MYO10: variants seen among roughly 807,000 people sequenced by gnomAD.
MYO10 encodes unconventional myosin-X.
In MYO10, 133 loss-of-function variants were observed where a neutral mutation model predicts 257.3. That is an observed-to-expected ratio of 0.52 (90% CI 0.45 to 0.60). The LOEUF is 0.60. MYO10 is among the 20% of genes least tolerant of loss of function. The pLI, the probability that MYO10 is intolerant of heterozygous loss-of-function variation, is 0.00. For missense variants in MYO10, 2,399 were observed against 2,635.7 expected (o/e 0.91, Z 1.97); for synonymous variants, 1,104 against 1,028.6 (o/e 1.07, Z -1.40).
At chr5:16,766,029 A>G in intron 11 of MYO10, 51 bp downstream of exon 11, 2 of 1,350,484 alleles carry the variant, frequency 1.5e-6, no homozygotes, top group South Asian at 2.4e-5. Context: ...TATGGATCTG[A>G]AAACCCAGGA....
chr5:16,671,413 T>G lies in MYO10; in HGVS notation c.5430+9A>C. On this transcript the variant is annotated intron_variant, in intron 38 of 40. Coordinates refer to ENST00000513610, the MANE Select transcript of MYO10 (RefSeq NM_012334.3). ...GGCAAAGAAATCTGTTTCTAACTAT[T>G]CCTTTTACCTGTTCAAACATAAATG... 6.2e-7 allele frequency: 1 copy of G among 1,613,742 alleles called. No individual in the cohort carries two copies. Among genetic ancestry groups the G allele is most frequent in the Non-Finnish European group, 8.5e-7 (1 of 1,179,788 alleles).
intron 33 of MYO10, among the ~76,000 whole-genome samples, chr5:16,679,533 T>TTTTTTTTTTTTTTTTTTTTG (rs1736889465): frequency 6.7e-6 from 1 of 150,326 alleles, no homozygotes; most frequent in African/African-American, 2.5e-5. Flanking sequence ...TGTTTTTTTT[T>TTTTTTTTTTTTTTTTTTTTG]TTTTTTTTTG....
At chr5:16,829,056 A>C (rs1228545916) in intron 2 of MYO10, among the ~76,000 whole-genome samples, 2 of 152,218 alleles carry the variant, frequency 1.3e-5, no homozygotes, top group Non-Finnish European at 2.9e-5. Flanking sequence ...GTTCTGAAAA[A>C]TAGGCAATCC....
At chr5:16,845,172 T>C (rs909529806) in intron 2 of MYO10, among the ~76,000 whole-genome samples, 1 of 152,066 alleles carries the variant, frequency 6.6e-6, no homozygotes, top group African/African-American at 2.4e-5. Flanking sequence ...CAGGTGGCAG[T>C]ACATTTTTTC....
At chr5:16,834,968 G>A (rs1743267863) in intron 2 of MYO10, among the ~76,000 whole-genome samples, 1 of 151,988 alleles carries the variant, frequency 6.6e-6, no homozygotes, top group African/African-American at 2.4e-5. Flanking sequence ...GAGGTCAGGA[G>A]TTAAAGACTA....
intron 2 of MYO10, among the ~76,000 whole-genome samples, chr5:16,823,104 G>C (rs1742878326): frequency 6.6e-6 from 1 of 151,836 alleles, no homozygotes; most frequent in South Asian, 2.1e-4. Flanking sequence ...CAGGGTATTA[G>C]TCGTGCAAGG....
At chr5:16,861,055 AG>A (rs1375992125) in intron 2 of MYO10, among the ~76,000 whole-genome samples, 1 of 152,106 alleles carries the variant, frequency 6.6e-6, no homozygotes, top group East Asian at 1.9e-4. Flanking sequence ...CCATGGCCTG[AG>A]TCTCACCTGA....
intron 19 of MYO10, among the ~76,000 whole-genome samples, chr5:16,715,392 ATTTTTTTTTT>A (rs372307063): frequency 1.2e-5 from 1 of 84,340 alleles, no homozygotes; most frequent in African/African-American, 4.7e-5. Context: ...TAAGATTGAA[ATTTTTTTTTT>A]TTTTTTTTTT....
intron 9 of MYO10, among the ~76,000 whole-genome samples, chr5:16,778,302 G>A (rs534057766): frequency 6.6e-4 from 101 of 152,134 alleles, no homozygotes; most frequent in African/African-American, 2.4e-3. Context: ...CCTTGCAAGA[G>A]ACCATGGCAT....
chr5:16,835,542 A>C (rs1181874209), intron 2 of MYO10, among the ~76,000 whole-genome samples: 1 of 141,668 alleles, frequency 7.1e-6, no homozygotes, highest in Admixed American at 7.3e-5. Flanking sequence ...AGACAGCAAG[A>C]TGTCAGCTTG....
At chr5:16,805,630 C>A (rs1227982630) in intron 3 of MYO10, among the ~76,000 whole-genome samples, 1 of 152,206 alleles carries the variant, frequency 6.6e-6, no homozygotes, top group African/African-American at 2.4e-5. Flanking sequence ...ATGCAGCTCC[C>A]AAACACGAGG....
intron 3 of MYO10, chr5:16,814,851 C>A (rs556564449): frequency 1.3e-5 from 2 of 152,248 alleles, no homozygotes; most frequent in African/African-American, 4.8e-5. Flanking sequence ...TGACCTTATT[C>A]CAAGACCAAG....
At chr5:16,695,643 T>C (rs1270473822) in intron 26 of MYO10, among the ~76,000 whole-genome samples, 1 of 151,914 alleles carries the variant, frequency 6.6e-6, no homozygotes, top group Admixed American at 6.6e-5. Flanking sequence ...AGGATAATTT[T>C]GTATTCCAGA....
chr5:16,796,208 GAA>G (rs1741943240), intron 3 of MYO10, among the ~76,000 whole-genome samples: 2 of 74,042 alleles, frequency 2.7e-5, no homozygotes, highest in Admixed American at 1.6e-4. Flanking sequence ...AAAAAAGAAA[GAA>G]CAGAGAGAGA....
chr5:16,896,728 G>GC (rs1041342206), intron 1 of MYO10, among the ~76,000 whole-genome samples: 4 of 152,192 alleles, frequency 2.6e-5, no homozygotes, highest in African/African-American at 7.2e-5. Context: ...GATCTTAGCA[G>GC]CCCCCCCAGG....
chr5:16,934,398 G>C (rs1474369978), intron 1 of MYO10, among the ~76,000 whole-genome samples: 1 of 152,250 alleles, frequency 6.6e-6, no homozygotes, highest in East Asian at 1.9e-4. Context: ...CATTGCCCTA[G>C]GGGCAGGGCC....
At chr5:16,751,668 G>A (rs1367210927) in intron 19 of MYO10, among the ~76,000 whole-genome samples, 1 of 143,638 alleles carries the variant, frequency 7.0e-6, no homozygotes, top group Non-Finnish European at 1.5e-5. Context: ...TTTTTTTTTA[G>A]TAGAGACGAG....
intron 19 of MYO10, among the ~76,000 whole-genome samples, chr5:16,718,106 G>A (rs1304395223): frequency 2.6e-5 from 4 of 152,248 alleles, no homozygotes. Context: ...GCCAGTGGCT[G>A]CGGAGGGTGT....
chr5:16,701,274 C>A lies in MYO10; in HGVS notation c.3121G>T (p.Val1041Leu), dbSNP rs1738050302. 1 of 1,613,720 alleles carries A rather than the reference C, an allele frequency of 6.2e-7. No individual in the cohort carries two copies. ...EEDPYMNDTV[V>L]PTSPSADSTV... is the part of the protein sequence containing the mutation. Reference sequence around the variant, plus strand: ...CTGTCCGCACTGGGGCTGGTGGGCACCACCGTGTCGTTCATGTATGGGTCC... The same window carrying A: ...CTGTCCGCACTGGGGCTGGTGGGCAACACCGTGTCGTTCATGTATGGGTCC... The change falls in exon 25 of 41, where the codon GTG (valine) becomes TTG (leucine). Residue 1041 changes from valine to leucine, a missense_variant. By Grantham distance (32) the Val-to-Leu change is conservative (BLOSUM62 1). This residue lies in a region of MYO10 where 1,820 missense variants were observed against 1,939.4 expected (regional missense o/e 0.94). Coordinates refer to ENST00000513610, the MANE Select transcript of MYO10 (RefSeq NM_012334.3). The surrounding 1 kb of genome is among the most constrained non-coding windows in gnomAD (Gnocchi z 8.1).
Sources: allele counts gnomAD v4.1 joint callset (sites outside exome capture counted in the v4.1 genomes callset), GRCh38; gene constraint gnomAD v4.1.1; regional missense constraint gnomAD v4.1.1; non-coding constraint Gnocchi (gnomAD v3.1); transcripts MANE v1.5; gene names NCBI Gene and HGNC (gene_info 2026-07-23, HGNC 2026-07-21).